Variants in INTS2 observed in about 807,000 individuals in gnomAD.
The protein encoded by INTS2 is integrator complex subunit 2, also known as KIAA1287.
In INTS2, 57 loss-of-function variants were observed where a neutral mutation model predicts 139.6. The ratio of observed to expected loss-of-function variants is 0.41; its 90% CI spans 0.33 to 0.51. The LOEUF (loss-of-function observed/expected upper bound fraction) is 0.51. Among genes scored for constraint, INTS2 ranks in the 20% least tolerant of loss-of-function variants. INTS2 has a pLI of 0.28. For synonymous variants in INTS2, 473 were observed against 493.4 expected (o/e 0.96, Z 0.55); for missense variants, 1,196 against 1,436.7 (o/e 0.83, Z 2.71).
At chr17:61,903,747 T>C (rs2079432776) in intron 9 of INTS2, among the ~76,000 whole-genome samples, 1 of 151,706 alleles carries the variant, frequency 6.6e-6, no homozygotes, top group Non-Finnish European at 1.5e-5. Flanking sequence ...GCTTACATAA[T>C]CATAACAACT....
chr17:61,896,256 A>C (rs967976790), intron 11 of INTS2, among the ~76,000 whole-genome samples: 2 of 151,442 alleles, frequency 1.3e-5, no homozygotes, highest in East Asian at 1.9e-4. Flanking sequence ...AAAAAACAAA[A>C]AAAAAACATT....
In INTS2 at chr17:61,909,408, C is replaced by T. The variant is rs1259486288; in HGVS notation, c.955-1774G>A. 6.6e-6 allele frequency among the ~76,000 whole-genome samples: 1 copy of T among 152,036 alleles called. No homozygotes were observed. Among genetic ancestry groups the T allele is most frequent in the African/African-American group, 2.4e-5 (1 of 41,410 alleles). On this transcript the variant is annotated intron_variant, in intron 7 of 24. Transcript: ENST00000251334. This position sits in a 1 kb window ranked among gnomAD's most constrained non-coding sequence, Gnocchi z 4.9. ...ACAGGCGTAAGCCACCCCACCCAGC[C>T]CTTACTTCTTATTTTTATAGATTTA...
intron 4 of INTS2, among the ~76,000 whole-genome samples, chr17:61,920,486 CTTTTT>C (rs1187583288): frequency 7.3e-4 from 78 of 106,496 alleles, no homozygotes; most frequent in African/African-American, 2.4e-3. Context: ...CTGGCCTATA[CTTTTT>C]TTTTTTTTTT....
rs2079117688 is a variant in INTS2, at chr17:61,875,172, T to C, written c.2457-134A>G. The C allele has an allele frequency of 1.8e-6, 1 of 568,110 alleles. No individual in the cohort carries two copies. The highest frequency in any genetic ancestry group is 2.8e-6 in the Non-Finnish European group (1 of 357,462). 35.2% of individuals were successfully genotyped at this position (568,110 alleles called of 1,614,324 possible). ...TACATATGAATGAACTTTGAAAAAA[T>C]TTAAGCTACAGACATCTAACCTATT... On this transcript the variant is annotated intron_variant, in intron 18 of 24. Transcript: ENST00000251334. The surrounding 1 kb of genome is among the most constrained non-coding windows in gnomAD (Gnocchi z 4.6).
In INTS2 at chr17:61,889,870, G is replaced by C. The variant is rs1008386714; in HGVS notation, c.1900C>G (p.Arg634Gly). Residue 634 changes from arginine to glycine, a missense_variant, in exon 15 of 25, where the codon CGT becomes GGT. This residue lies in a region of INTS2 where 1,129 missense variants were observed against 1,341.9 expected (regional missense o/e 0.84). Coordinates refer to ENST00000251334, the MANE Select transcript of INTS2 (RefSeq NM_001351695.2). ...AAAAGCTGTGCTGTGATACTGAAAC[G>C]CTGATTAAGGCGGATGTTGTCACCC... ...IGGDNIRLNQ[R>G]FSITAQLLVL... The C allele has an allele frequency of 2.4e-5, 39 of 1,609,370 alleles. No individual in the cohort carries two copies. The highest frequency in any genetic ancestry group is 3.3e-5 in the Non-Finnish European group (39 of 1,176,648).
intron 18 of INTS2, among the ~76,000 whole-genome samples, chr17:61,877,257 T>TA (rs2079134673): frequency 6.6e-6 from 1 of 152,148 alleles, no homozygotes; most frequent in Non-Finnish European, 1.5e-5. Flanking sequence ...ATGAAAATAG[T>TA]AGTCTCTGGG....
chr17:61,888,564 C>T (rs941027787), intron 15 of INTS2, among the ~76,000 whole-genome samples: 25 of 119,664 alleles, frequency 2.1e-4, no homozygotes, highest in Non-Finnish European at 3.7e-4. Context: ...TGTGTGCGTG[C>T]GTGTGTGTGT....
At position 61,897,786 on chromosome 17, in the gene INTS2, A is replaced by G. The variant is rs765670251; in HGVS notation, c.1308-47T>C. The G allele has an allele frequency of 8.1e-7, 1 of 1,229,312 alleles. No individual in the cohort carries two copies. Among genetic ancestry groups the G allele is most frequent in the South Asian group, 1.4e-5 (1 of 73,846 alleles). 76.2% of individuals were successfully genotyped at this position (1,229,312 alleles called of 1,614,324 possible). A position where few individuals can be genotyped will look rare whatever the true frequency, so the allele number is the denominator to read the frequency against. ...GTCACTGGTTTAAATTAGATATACT[A>G]GCATATGAATAAAAAGCATTCTGAA... On this transcript the variant is annotated intron_variant, in intron 9 of 24. Coordinates refer to ENST00000251334, the MANE Select transcript of INTS2 (RefSeq NM_001351695.2). This position sits in a 1 kb window ranked among gnomAD's most constrained non-coding sequence, Gnocchi z 4.4.
Position 61,872,189 on chromosome 17 carries a change from G to A in INTS2, c.2778+76C>T. ...CCAATGTACATGGAGCGCACAATGT[G>A]CCATCTATTGAACTGATTATACTAG... On this transcript the variant is annotated intron_variant, in intron 20 of 24. Transcript: ENST00000251334. This position sits in a 1 kb window ranked among gnomAD's most constrained non-coding sequence, Gnocchi z 4.8. The A allele has an allele frequency of 1.2e-6, 1 of 844,474 alleles. No homozygotes were observed. Among genetic ancestry groups the A allele is most frequent in the Non-Finnish European group, 1.8e-6 (1 of 542,420 alleles). 52.3% of individuals were successfully genotyped at this position (844,474 alleles called of 1,614,324 possible).
chr17:61,916,410 G>T (rs542921706), intron 5 of INTS2, among the ~76,000 whole-genome samples: 2 of 152,216 alleles, frequency 1.3e-5, no homozygotes, highest in East Asian at 3.9e-4. Context: ...TCCAGTCTGG[G>T]TAACAGAGTA....
chr17:61,881,198 G>C (rs760586195), intron 16 of INTS2, 27 bp from the exon 17 acceptor site: 1 of 1,585,572 alleles, frequency 6.3e-7, no homozygotes, highest in Non-Finnish European at 8.6e-7. Context: ...AAATCAATTG[G>C]ATTCTTCATG....
rs1314738083 is a variant in INTS2, at chr17:61,909,300, A to T, written c.955-1666T>A. On this transcript the variant is annotated intron_variant, in intron 7 of 24. Coordinates refer to ENST00000251334, the MANE Select transcript of INTS2 (RefSeq NM_001351695.2). This position sits in a 1 kb window ranked among gnomAD's most constrained non-coding sequence, Gnocchi z 4.9. ...TAATTTTTGTATTTTTAGTAGAGAC[A>T]GGGTTTCACCATGTTGGCCAGGATG... Among the ~76,000 whole-genome samples the T allele has an allele frequency of 1.3e-5, 2 of 152,026 alleles. No individual in the cohort carries two copies. Among genetic ancestry groups the T allele is most frequent in the Non-Finnish European group, 1.5e-5 (1 of 67,986 alleles).
chr17:61,894,349 T>C (rs1016497267), intron 12 of INTS2, among the ~76,000 whole-genome samples: 2 of 152,192 alleles, frequency 1.3e-5, no homozygotes, highest in African/African-American at 4.8e-5. Context: ...AAATATTTAT[T>C]CTCAATATGT....
chr17:61,900,599 G>A (rs2079394449), intron 9 of INTS2, among the ~76,000 whole-genome samples: 1 of 152,172 alleles, frequency 6.6e-6, no homozygotes, highest in African/African-American at 2.4e-5. Flanking sequence ...ATCAGCCCAA[G>A]AGTTTCCCAA....
intron 15 of INTS2, among the ~76,000 whole-genome samples, chr17:61,887,335 C>T (rs1025423850): frequency 4.0e-5 from 6 of 151,826 alleles, no homozygotes; most frequent in Non-Finnish European, 7.4e-5. Context: ...ATACAAAATT[C>T]AGTGGGGCGT....
chr17:61,900,454 A>T (rs778104172), intron 9 of INTS2, among the ~76,000 whole-genome samples: 23 of 152,184 alleles, frequency 1.5e-4, no homozygotes, highest in Non-Finnish European at 2.9e-4. Context: ...ACCATTCTGA[A>T]AGTAGGAGAA....
chr17:61,918,701 A>C (rs2079607266), intron 5 of INTS2, among the ~76,000 whole-genome samples: 1 of 152,128 alleles, frequency 6.6e-6, no homozygotes, highest in Non-Finnish European at 1.5e-5. Flanking sequence ...AACAACCTTC[A>C]ATCACTGTAA....
intron 9 of INTS2, among the ~76,000 whole-genome samples, chr17:61,900,212 G>A (rs2079390935): frequency 1.3e-5 from 2 of 152,130 alleles, no homozygotes; most frequent in Admixed American, 1.3e-4. Context: ...TTTATACCAC[G>A]GAATTCCCAA....
chr17:61,902,349 T>C (rs2079415060), intron 9 of INTS2, among the ~76,000 whole-genome samples: 1 of 152,144 alleles, frequency 6.6e-6, no homozygotes, highest in African/African-American at 2.4e-5. Context: ...AAACCTCCTT[T>C]TATTTGGAAT....
Sources: allele counts gnomAD v4.1 joint callset (sites outside exome capture counted in the v4.1 genomes callset), GRCh38; gene constraint gnomAD v4.1.1; regional missense constraint gnomAD v4.1.1; non-coding constraint Gnocchi (gnomAD v3.1); transcripts MANE v1.5; gene names NCBI Gene and HGNC (gene_info 2026-07-23, HGNC 2026-07-21).